The following PTCHD4 variants were observed in gnomAD, a reference collection of about 807,000 sequenced individuals.
PTCHD4 encodes patched domain-containing protein 4.
Under a neutral mutation model 58.1 loss-of-function variants are expected in PTCHD4, and 33 were observed. The ratio of observed to expected loss-of-function variants is 0.57; its 90% confidence interval spans 0.43 to 0.76. PTCHD4 has a LOEUF of 0.76. Among genes scored for constraint, PTCHD4 ranks in the 30% least tolerant of loss-of-function variants. PTCHD4 has a pLI of 0.00. For synonymous variants in PTCHD4, 478 were observed against 409.6 expected (o/e 1.17, Z -2.02); for missense variants, 1,058 against 1,027.1 (o/e 1.03, Z -0.41).
At chr6:47,953,848 G>A (rs965483087) in intron 4 of PTCHD4, among the ~76,000 whole-genome samples, 1 of 152,046 alleles carries the variant, frequency 6.6e-6, no homozygotes, top group African/African-American at 2.4e-5. Flanking sequence ...ATGAACTGCA[G>A]GAACAAATGC....
intron 3 of PTCHD4, among the ~76,000 whole-genome samples, chr6:48,018,633 T>C (rs961262172): frequency 6.6e-6 from 1 of 152,246 alleles, no homozygotes; most frequent in African/African-American, 2.4e-5. Context: ...AATTATTTCT[T>C]AGATAGTAAA....
intron 3 of PTCHD4, among the ~76,000 whole-genome samples, chr6:48,015,856 T>C (rs1368399282): frequency 6.6e-6 from 1 of 151,926 alleles, no homozygotes; most frequent in Non-Finnish European, 1.5e-5. Context: ...AAACATTCCA[T>C]AATATTTATT....
rs1028699494 is a variant in PTCHD4 at position 47,865,236 on chromosome 6, T to A, written c.*13067A>T. ...TATAAAAGATTAGACTGCCTATTTATGTTCCTAAGATATTCGTTTCTTCCT... is the reference window on the plus strand; with the variant it reads ...TATAAAAGATTAGACTGCCTATTTAAGTTCCTAAGATATTCGTTTCTTCCT... On this transcript the variant is annotated 3_prime_UTR_variant, in exon 5 of 5. Transcript: ENST00000339488. Among the ~76,000 whole-genome samples, 1 of 151,962 alleles carries A rather than the reference T, an allele frequency of 6.6e-6. No individual in the cohort carries two copies. The highest frequency in any genetic ancestry group is 1.5e-5 in the Non-Finnish European group (1 of 67,926).
chr6:48,075,016 T>C (rs1449738462), intron 1 of PTCHD4, among the ~76,000 whole-genome samples: 3 of 152,152 alleles, frequency 2.0e-5, no homozygotes, highest in Non-Finnish European at 2.9e-5. Flanking sequence ...TAAGCATATA[T>C]ATTATTCACC....
intron 1 of PTCHD4, among the ~76,000 whole-genome samples, chr6:48,072,357 AT>A (rs1764991611): frequency 6.6e-6 from 1 of 151,888 alleles, no homozygotes; most frequent in African/African-American, 2.4e-5. Flanking sequence ...TCTTGCTTAA[AT>A]TTTTCCAGCT....
chr6:47,956,533 A>G (rs958599965), intron 4 of PTCHD4, among the ~76,000 whole-genome samples: 2 of 151,836 alleles, frequency 1.3e-5, no homozygotes, highest in African/African-American at 4.8e-5. Flanking sequence ...TCCTGGGTTC[A>G]CGCCATTCTC....
At position 47,956,521 on chromosome 6, in the gene PTCHD4, C is replaced by T. The variant is rs556620605; in HGVS notation, c.898+52113G>A. Among the ~76,000 whole-genome samples, 51 of 152,014 alleles carry T rather than the reference C, an allele frequency of 3.4e-4. No individual in the cohort carries two copies. In the South Asian group the frequency reaches 8.1e-3, roughly 24 times the overall value. On this transcript the variant is annotated intron_variant, in intron 4 of 4. Coordinates refer to ENST00000339488, the MANE Select transcript of PTCHD4 (RefSeq NM_001384253.1). ...TGATCTCGGCTTACTGCAAGCTCCA[C>T]CTCCTGGGTTCACGCCATTCTCCTG...
chr6:47,965,706 A>C (rs1465561693), intron 4 of PTCHD4, among the ~76,000 whole-genome samples: 1 of 152,180 alleles, frequency 6.6e-6, no homozygotes, highest in Non-Finnish European at 1.5e-5. Context: ...AGGAGGGCGG[A>C]TCACGAGGTC....
At chr6:48,048,120 G>T (rs1297383118) in intron 3 of PTCHD4, among the ~76,000 whole-genome samples, 2 of 151,308 alleles carry the variant, frequency 1.3e-5, no homozygotes, top group African/African-American at 4.8e-5. Context: ...AAACACTGTT[G>T]AAGAAGCTGA....
At chr6:47,930,260 A>C (rs1030457564) in intron 4 of PTCHD4, among the ~76,000 whole-genome samples, 1 of 152,222 alleles carries the variant, frequency 6.6e-6, no homozygotes, top group Admixed American at 6.5e-5. Context: ...ACACCTAAGC[A>C]TTCAGCTACA....
chr6:48,064,204 G>A (rs1764720307), intron 3 of PTCHD4, among the ~76,000 whole-genome samples: 1 of 152,078 alleles, frequency 6.6e-6, no homozygotes, highest in African/African-American at 2.4e-5. Flanking sequence ...AACCCATATC[G>A]AAGGACTACA....
intron 3 of PTCHD4, among the ~76,000 whole-genome samples, chr6:48,030,879 C>T (rs962538175): frequency 6.6e-6 from 1 of 152,052 alleles, no homozygotes; most frequent in African/African-American, 2.4e-5. Context: ...AATTAAATGG[C>T]TGACTGCTTG....
In PTCHD4 at chr6:47,878,071, C is replaced by A; in HGVS notation, c.*232G>T. 1 of 402,896 alleles carries A rather than the reference C, an allele frequency of 2.5e-6. No individual in the cohort carries two copies. Among genetic ancestry groups the A allele is most frequent in the East Asian group, 3.9e-5 (1 of 25,744 alleles). The allele number at this position is 402,896 out of a possible 1,614,324, so 25.0% of individuals were successfully genotyped here. On this transcript the variant is annotated 3_prime_UTR_variant, in exon 5 of 5. Transcript: ENST00000339488. ...ATTCCTTGGAAGAGCTCTCAGATTACATCCAGAAACTTGTTTTTAGAGGAG... is the reference window on the plus strand; with the variant it reads ...ATTCCTTGGAAGAGCTCTCAGATTAAATCCAGAAACTTGTTTTTAGAGGAG...
At chr6:47,947,596 A>G (rs1428623558) in intron 4 of PTCHD4, among the ~76,000 whole-genome samples, 1 of 152,116 alleles carries the variant, frequency 6.6e-6, no homozygotes, top group Admixed American at 6.5e-5. Flanking sequence ...TATATACTTC[A>G]GTGCATTAAA....
At chr6:48,067,890 C>T (rs1764853167) in intron 3 of PTCHD4, among the ~76,000 whole-genome samples, 1 of 151,502 alleles carries the variant, frequency 6.6e-6, no homozygotes, top group African/African-American at 2.4e-5. Context: ...TCATACCATT[C>T]ATTGCCTGTT....
At chr6:47,888,579 T>C (rs1561940687) in intron 4 of PTCHD4, among the ~76,000 whole-genome samples, 1 of 152,228 alleles carries the variant, frequency 6.6e-6, no homozygotes, top group African/African-American at 2.4e-5. Context: ...AAAAGACATA[T>C]AGTCTCATCC....
At chr6:48,000,894 T>C (rs1403831376) in intron 4 of PTCHD4, among the ~76,000 whole-genome samples, 1 of 152,074 alleles carries the variant, frequency 6.6e-6, no homozygotes, top group African/African-American at 2.4e-5. Context: ...AATATTAATT[T>C]CTTTTTAATG....
chr6:48,026,686 A>T (rs1001682072), intron 3 of PTCHD4, among the ~76,000 whole-genome samples: 16 of 152,002 alleles, frequency 1.1e-4, no homozygotes, highest in African/African-American at 2.9e-4. Flanking sequence ...AAAAACAACC[A>T]CTTGAGACTG....
intron 3 of PTCHD4, among the ~76,000 whole-genome samples, chr6:48,028,558 T>G (rs1380387545): frequency 6.6e-6 from 1 of 152,118 alleles, no homozygotes; most frequent in Non-Finnish European, 1.5e-5. Context: ...AAACTACAAT[T>G]TGTTTTTTTC....
Sources: gnomAD v4.1 joint callset for allele counts (sites outside exome capture counted in the v4.1 genomes callset) on GRCh38, gnomAD v4.1.1 for gene constraint, MANE v1.5 for transcripts, NCBI Gene and HGNC (gene_info 2026-07-23, HGNC 2026-07-21) for gene names.